UNK: variants seen among roughly 807,000 people sequenced by gnomAD.
UNK encodes the protein RING finger protein unkempt homolog.
UNK carries 32 observed loss-of-function variants against 97.6 expected under a neutral mutation model. The observed-to-expected ratio is 0.33, with a 90% CI of 0.25 to 0.44. The LOEUF (loss-of-function observed/expected upper bound fraction) is 0.44. UNK is among the 20% of genes least tolerant of loss of function. UNK has a pLI of 1.00. For synonymous variants in UNK, 441 were observed against 461.2 expected, an observed-to-expected ratio of 0.96 and a Z score of 0.56; for missense variants, 771 against 1,098.4, an observed-to-expected ratio of 0.70 and a Z score of 4.21.
At chr17:75,804,798 G>A (rs1413458169) in intron 1 of UNK, among the ~76,000 whole-genome samples, 5 of 151,820 alleles carry the variant, frequency 3.3e-5, no homozygotes, top group East Asian at 1.9e-4. Context: ...CCGAGATTGC[G>A]CCACTGCACT....
chr17:75,795,295 TATGTACA>T (rs2061795861), intron 1 of UNK, among the ~76,000 whole-genome samples: 1 of 152,148 alleles, frequency 6.6e-6, no homozygotes, highest in Non-Finnish European at 1.5e-5. Context: ...TCAGGTTAGC[TATGTACA>T]GAAAAACTTT....
At chr17:75,822,429 TG>T in intron 13 of UNK, 47 bp from the exon 14 acceptor site, 2 of 1,555,440 alleles carry the variant, frequency 1.3e-6, no homozygotes, top group Non-Finnish European at 1.7e-6. Context: ...GGCCAGGGCC[TG>T]GGCCCAAAGC....
At chr17:75,799,248 G>T (rs112093639) in intron 1 of UNK, among the ~76,000 whole-genome samples, 41 of 152,284 alleles carry the variant, frequency 2.7e-4, no homozygotes, top group African/African-American at 9.4e-4. Flanking sequence ...GGAGGCTGCA[G>T]TGACCTGTAA....
chr17:75,821,773 G>A (rs1167882519), intron 13 of UNK: 1 of 454,920 alleles, frequency 2.2e-6, no homozygotes, highest in Non-Finnish European at 4.4e-6. Context: ...AGAGCAGGGG[G>A]ACCTGATGTT....
chr17:75,823,156 C>T (rs1276209156), intron 14 of UNK, 109 bp from the exon 15 acceptor site: 10 of 1,482,700 alleles, frequency 6.7e-6, no homozygotes, highest in Non-Finnish European at 9.0e-6. Flanking sequence ...GAGAGCCAAC[C>T]CAGCTTCCCA....
chr17:75,813,290 G>C, intron 5 of UNK, 77 bp downstream of exon 5: 1 of 1,484,468 alleles, frequency 6.7e-7, no homozygotes, highest in Non-Finnish European at 9.0e-7. Context: ...GCTCCCACTG[G>C]CTCTCCGGGA....
intron 14 of UNK, among the ~76,000 whole-genome samples, chr17:75,823,051 C>T (rs1050146141): frequency 3.3e-5 from 5 of 152,186 alleles, no homozygotes; most frequent in African/African-American, 9.6e-5. Flanking sequence ...TGTGCTAGGC[C>T]CAGGTCCCTT....
chr17:75,810,295 T>C (rs996518282), intron 2 of UNK, among the ~76,000 whole-genome samples: 5 of 152,240 alleles, frequency 3.3e-5, no homozygotes, highest in African/African-American at 1.2e-4. Flanking sequence ...GCTGGCTGTT[T>C]AGAGAGAGCG....
At chr17:75,793,424 C>T (rs931025751) in intron 1 of UNK, 1 of 985,230 alleles carries the variant, frequency 1.0e-6, no homozygotes, top group Admixed American at 6.2e-5. Flanking sequence ...TCAACTTTCA[C>T]CCCTTTTTTC....
intron 13 of UNK, among the ~76,000 whole-genome samples, chr17:75,820,716 C>T (rs748174584): frequency 8.5e-5 from 13 of 152,198 alleles, no homozygotes; most frequent in Admixed American, 3.9e-4. Context: ...CACTGCGGGC[C>T]GGCTGTGCAT....
chr17:75,820,156 G>A (rs372096534), intron 13 of UNK, 48 bp downstream of exon 13: 17 of 1,550,586 alleles, frequency 1.1e-5, no homozygotes, highest in Non-Finnish European at 1.3e-5. Flanking sequence ...AGGAACCTGC[G>A]CCTTTAGGAG....
In UNK at chr17:75,818,659, C is replaced by A; in HGVS notation, c.1389C>A (p.Leu463=). 6.3e-7 allele frequency: 1 copy of A among 1,598,684 alleles called. No individual in the cohort carries two copies. The highest frequency in any genetic ancestry group is 8.5e-7 in the Non-Finnish European group (1 of 1,171,398). Reference sequence around the variant, plus strand: ...CGTTGCAGGACATGCTGGGCATCCTCCCCGCAGGCAGCCCCCTGACCTCAA... The same window carrying A: ...CGTTGCAGGACATGCTGGGCATCCTACCCGCAGGCAGCCCCCTGACCTCAA... ...LQPKQDMLGI[L]PAGSPLTSSI... The change falls in exon 11 of 16, where the codon CTC becomes CTA. Residue 463 remains leucine (L), a synonymous_variant. Coordinates refer to ENST00000589666, the MANE Select transcript of UNK (RefSeq NM_001080419.3). This position sits in a 1 kb window ranked among gnomAD's most constrained non-coding sequence, Gnocchi z 5.1.
chr17:75,823,342 C>T lies in UNK; in HGVS notation c.2097C>T (p.Ala699=). ...CGGCGGGCGCCGAGTGCGAGCTGGC[C>T]CGGGAGCAGCGGGATGCACTGGAGG... is the stretch of plus-strand genomic sequence containing the variant. ...ASAAGAECEL[A]REQRDALEVQ... is the part of the protein sequence containing the mutation. Residue 699 remains alanine, a synonymous_variant, in exon 15 of 16, where the codon GCC becomes GCT. Transcript: ENST00000589666. 6.2e-7 allele frequency: 1 copy of T among 1,611,638 alleles called. No individual in the cohort carries two copies. The highest frequency in any genetic ancestry group is 8.5e-7 in the Non-Finnish European group (1 of 1,179,250).
rs61000364 is a variant in UNK, at chr17:75,805,810, A to ATGTGTGTGTGTGTG, written c.105-3928_105-3915dup. ...GAGCCCCTGCCTTATAAAAAGAAAAATGTGTGTGTGTGTGTGTGTGTGTGT... is the reference window on the plus strand; with the variant it reads ...GAGCCCCTGCCTTATAAAAAGAAAAATGTGTGTGTGTGTGTGTGTGTGTGTGTGTGTGTGTGTGT... On this transcript the variant is annotated intron_variant, in intron 1 of 15. Coordinates refer to ENST00000589666, the MANE Select transcript of UNK (RefSeq NM_001080419.3). Among the ~76,000 whole-genome samples, 1,048 of 145,380 alleles carry ATGTGTGTGTGTGTG rather than the reference A, an allele frequency of 7.2e-3. 11 individuals are homozygous for ATGTGTGTGTGTGTG. The highest frequency in any genetic ancestry group is 0.018 in the Middle Eastern group (5 of 284).
At chr17:75,811,245 G>A (rs55976319) in intron 2 of UNK, among the ~76,000 whole-genome samples, 3 of 152,032 alleles carry the variant, frequency 2.0e-5, no homozygotes, top group Non-Finnish European at 2.9e-5. Flanking sequence ...GAGCCACCAC[G>A]CCTGGCCATG....
In UNK at chr17:75,819,679, C is replaced by T. The variant is rs747798060; in HGVS notation, c.1547-5C>T. On this transcript the variant is annotated splice_polypyrimidine_tract_variant and splice_region_variant and intron_variant, in intron 11 of 15. Coordinates refer to ENST00000589666, the MANE Select transcript of UNK (RefSeq NM_001080419.3). This position sits in a 1 kb window ranked among gnomAD's most constrained non-coding sequence, Gnocchi z 5.4. ...AGGTCACATCCCACTCTTCTCTGTC[C>T]CTAGAGTCTGCTTTGGATGACCTGG... The T allele has an allele frequency of 6.2e-7, 1 of 1,613,672 alleles. No individual in the cohort carries two copies. The highest frequency in any genetic ancestry group is 1.3e-5 in the African/African-American group (1 of 74,938).
chr17:75,823,435 C>A lies in UNK; in HGVS notation c.2190C>A (p.Pro730=). 1.3e-6 allele frequency: 2 copies of A among 1,590,050 alleles called. No homozygotes were observed. The highest frequency in any genetic ancestry group is 4.6e-5 in the East Asian group (2 of 43,810). ...CGGGGCCTGAGCCCCAGGCCCTGCC[C>A]GCCTTCTCCGACCTGGAGGCGCTCT... ...LHAGPEPQAL[P]AFSDLEALSL... The change falls in exon 15 of 16, where the codon CCC becomes CCA. Residue 730 remains proline (P), a synonymous_variant. Transcript: ENST00000589666.
chr17:75,794,251 G>A (rs1228986845), intron 1 of UNK: 2 of 843,046 alleles, frequency 2.4e-6, no homozygotes, highest in East Asian at 2.4e-4. Context: ...GTTATGGCCT[G>A]TCCGAAACTC....
rs2062087050 is a variant in UNK, at chr17:75,823,346, G to A, written c.2101G>A (p.Glu701Lys). The A allele has an allele frequency of 6.2e-7, 1 of 1,611,728 alleles. No individual in the cohort carries two copies. Among genetic ancestry groups the A allele is most frequent in the Non-Finnish European group, 8.5e-7 (1 of 1,179,256 alleles). ...GGGCGCCGAGTGCGAGCTGGCCCGG[G>A]AGCAGCGGGATGCACTGGAGGTGCA... is the stretch of plus-strand genomic sequence containing the variant. ...AAGAECELAR[E>K]QRDALEVQVK... The change falls in exon 15 of 16, where the codon GAG (glutamate) becomes AAG (lysine). Residue 701 changes from glutamate to lysine, a missense_variant. By Grantham distance (56) the Glu-to-Lys change is moderately conservative (BLOSUM62 1). This residue lies in a region of UNK where 208 missense variants were observed against 257.4 expected (regional missense o/e 0.81). Coordinates refer to ENST00000589666, the MANE Select transcript of UNK (RefSeq NM_001080419.3).
Sources: allele counts gnomAD v4.1 joint callset (sites outside exome capture counted in the v4.1 genomes callset), GRCh38; gene constraint gnomAD v4.1.1; regional missense constraint gnomAD v4.1.1; non-coding constraint Gnocchi (gnomAD v3.1); transcripts MANE v1.5; gene names NCBI Gene and HGNC (gene_info 2026-07-23, HGNC 2026-07-21).